COL27A1: variants seen among roughly 807,000 people sequenced by gnomAD.
COL27A1 encodes collagen type XXVII alpha 1 chain.
COL27A1 carries 106 observed loss-of-function variants against 251.3 expected under a neutral mutation model. The ratio of observed to expected loss-of-function variants is 0.42; its 90% CI spans 0.36 to 0.50. COL27A1 has a LOEUF of 0.50. COL27A1 is among the 20% of genes least tolerant of loss of function. The pLI is 0.00. For synonymous variants in COL27A1, 1,000 were observed against 986.3 expected (o/e 1.01, Z -0.26); for missense variants, 2,325 against 2,522.8 (o/e 0.92, Z 1.68).
At chr9:114,292,501 T>C (rs932900068) in intron 49 of COL27A1, among the ~76,000 whole-genome samples, 3 of 152,186 alleles carry the variant, frequency 2.0e-5, no homozygotes, top group Non-Finnish European at 2.9e-5. Context: ...AGTCCAGTGC[T>C]CATTCTGTGC....
intron 14 of COL27A1, among the ~76,000 whole-genome samples, chr9:114,224,550 G>A (rs4294255): frequency 0.63 from 96,135 of 151,812 alleles, 31,839 homozygotes; most frequent in South Asian, 0.8. Flanking sequence ...TCATCCCAGC[G>A]TTCACTAGGT....
intron 3 of COL27A1, among the ~76,000 whole-genome samples, chr9:114,170,247 A>G (rs73656006): frequency 3.3e-4 from 51 of 152,306 alleles, no homozygotes; most frequent in African/African-American, 1.2e-3. Context: ...CGTGGGCCAG[A>G]AGGAAGAGGA....
chr9:114,165,490 C>T (rs1378551375), intron 2 of COL27A1, among the ~76,000 whole-genome samples: 2 of 151,034 alleles, frequency 1.3e-5, no homozygotes, highest in Non-Finnish European at 2.9e-5. Flanking sequence ...ATTCATCTAC[C>T]TATCCATCCA....
In COL27A1 at chr9:114,290,186, C is replaced by A; in HGVS notation, c.4261-38C>A. 6.4e-7 allele frequency: 1 copy of A among 1,569,810 alleles called. No individual in the cohort carries two copies. Among genetic ancestry groups the A allele is most frequent in the Non-Finnish European group, 8.7e-7 (1 of 1,150,922 alleles). ...ACACCCGCCCTCCTCCCACTCCCTG[C>A]ACCAAATGCCCTCACCAGCTTTTTA... is the stretch of plus-strand genomic sequence containing the variant. On this transcript the variant is annotated intron_variant, in intron 46 of 60. Coordinates refer to ENST00000356083, the MANE Select transcript of COL27A1 (RefSeq NM_032888.4). This position sits in a 1 kb window ranked among gnomAD's most constrained non-coding sequence, Gnocchi z 4.6.
Position 114,243,574 on chromosome 9 carries a change from G to C in COL27A1, c.2934+14G>C, listed in dbSNP as rs549785266. 66 of 1,609,626 alleles carry C rather than the reference G, an allele frequency of 4.1e-5. No individual in the cohort carries two copies. The East Asian group carries it at 1.4e-3, about 35-fold the overall frequency. On this transcript the variant is annotated intron_variant, in intron 23 of 60. Transcript: ENST00000356083. ...GATGGCGTGAAGGTGAGGGGACCTG[G>C]AGATCCCTGGGGACAAGAGGAAAGA...
At chr9:114,156,146 C>A (rs1848107489) in intron 1 of COL27A1, 134 bp downstream of exon 1, 1 of 1,231,896 alleles carries the variant, frequency 8.1e-7, no homozygotes, top group Non-Finnish European at 1.0e-6. Flanking sequence ...CCCCGCGAGG[C>A]GGGACGCCAA....
Position 114,258,537 on chromosome 9 carries a change from C to T in COL27A1, c.3142-4C>T. ...CCTCTCCAAACTCTTTCTCCTCTTC[C>T]CAGGGTCCTCCAGGATCTCGAGGCC... On this transcript the variant is annotated splice_region_variant and splice_polypyrimidine_tract_variant and intron_variant, in intron 27 of 60. Coordinates refer to ENST00000356083, the MANE Select transcript of COL27A1 (RefSeq NM_032888.4). 6.2e-7 allele frequency: 1 copy of T among 1,613,712 alleles called. No homozygotes were observed. The highest frequency in any genetic ancestry group is 8.5e-7 in the Non-Finnish European group (1 of 1,179,892).
intron 27 of COL27A1, among the ~76,000 whole-genome samples, chr9:114,253,445 C>T (rs895023485): frequency 2.4e-5 from 1 of 41,028 alleles, no homozygotes; most frequent in Non-Finnish European, 4.5e-5. Flanking sequence ...GGAGGGAGGG[C>T]GGGAGGGGAG....
At chr9:114,177,487 G>A (rs1029249903) in intron 3 of COL27A1, among the ~76,000 whole-genome samples, 14 of 152,178 alleles carry the variant, frequency 9.2e-5, no homozygotes, top group African/African-American at 3.1e-4. Flanking sequence ...GGCTGCTGCC[G>A]GTTCTTGGGG....
chr9:114,299,314 T>C (rs1278990194), intron 49 of COL27A1, among the ~76,000 whole-genome samples: 4 of 152,240 alleles, frequency 2.6e-5, no homozygotes, highest in African/African-American at 4.8e-5. Flanking sequence ...ATACATGGCT[T>C]TCTGCTTATG....
At chr9:114,176,542 G>T (rs964524618) in intron 3 of COL27A1, among the ~76,000 whole-genome samples, 8 of 135,990 alleles carry the variant, frequency 5.9e-5, no homozygotes, top group African/African-American at 1.8e-4. Flanking sequence ...TAGGTGGGTG[G>T]GGGGGGGTGC....
At chr9:114,196,331 G>A (rs549706818) in intron 7 of COL27A1, among the ~76,000 whole-genome samples, 1 of 152,354 alleles carries the variant, frequency 6.6e-6, no homozygotes, top group South Asian at 2.1e-4. Context: ...TGGTGATGGA[G>A]TAACCTGTGC....
At chr9:114,303,798 AG>A (rs1227570032) in intron 56 of COL27A1, among the ~76,000 whole-genome samples, 1 of 152,200 alleles carries the variant, frequency 6.6e-6, no homozygotes, top group Admixed American at 6.5e-5. Flanking sequence ...GCCCAGTGGT[AG>A]GGTTGGGAGT....
At position 114,155,704 on chromosome 9, in the gene COL27A1, G is replaced by A. The variant is rs975660468; in HGVS notation, c.-247G>A. ...TTCTTCTTCCTTTTTGGTGGAAGCA[G>A]AAAAGGACCGAGGCAGGGGCGAGCG... On this transcript the variant is annotated 5_prime_UTR_variant, in exon 1 of 61. Coordinates refer to ENST00000356083, the MANE Select transcript of COL27A1 (RefSeq NM_032888.4). The surrounding 1 kb of genome is among the most constrained non-coding windows in gnomAD (Gnocchi z 5.5). The A allele has an allele frequency of 6.6e-6, 1 of 152,102 alleles. No homozygotes were observed. The highest frequency in any genetic ancestry group is 1.5e-5 in the Non-Finnish European group (1 of 68,226). 9.4% of individuals were successfully genotyped at this position (152,102 alleles called of 1,614,324 possible). A position where few individuals can be genotyped will look rare whatever the true frequency, so the allele number is the denominator to read the frequency against.
intron 54 of COL27A1, 103 bp downstream of exon 54, chr9:114,301,565 G>T (rs956660466): frequency 2.6e-6 from 4 of 1,536,518 alleles, no homozygotes; most frequent in Non-Finnish European, 3.5e-6. Flanking sequence ...CCGTCATCCC[G>T]TCTGTGCCAG....
At chr9:114,258,498 T>G (rs369987037) in intron 27 of COL27A1, 43 bp from the exon 28 acceptor site, 120 of 1,588,068 alleles carry the variant, frequency 7.6e-5, no homozygotes, top group Middle Eastern at 5.0e-4. Context: ...TTGCTCTCAC[T>G]TCCTAAAAAG....
chr9:114,214,869 C>A (rs1355543398), intron 12 of COL27A1, among the ~76,000 whole-genome samples: 1 of 152,252 alleles, frequency 6.6e-6, no homozygotes. Context: ...CCTGGCCTGT[C>A]CTGGCTTGTT....
In COL27A1 at chr9:114,290,872, AG is replaced by A; in HGVS notation, c.4433del (p.Gly1478ValfsTer89). 6.4e-7 allele frequency: 1 copy of A among 1,551,824 alleles called. No homozygotes were observed. On this transcript the variant is annotated frameshift_variant, in exon 48 of 61. Coordinates refer to ENST00000356083, the MANE Select transcript of COL27A1 (RefSeq NM_032888.4). LOFTEE classifies it high-confidence loss of function. This position sits in a 1 kb window ranked among gnomAD's most constrained non-coding sequence, Gnocchi z 4.6. ...GCCCTGCTGGGAAGAGAGGAAATCC[AG>A]GTGTGGCCGGCTTACCTGGAGCACA... is the stretch of plus-strand genomic sequence containing the variant. The part of the protein sequence containing the change: ...MGPAGKRGNP[G>X]VAGLPGAQGP...
rs370754211 is a variant in COL27A1 at position 114,299,390 on chromosome 9, G to C, written c.4585-680G>C. On this transcript the variant is annotated intron_variant, in intron 49 of 60. Transcript: ENST00000356083. ...GCTCTTCTGCCTCCAGGGGCCCCCAGCCCTCCCTTCTTGGCTCAGACCCCA... is the reference window on the plus strand; with the variant it reads ...GCTCTTCTGCCTCCAGGGGCCCCCACCCCTCCCTTCTTGGCTCAGACCCCA... Among the ~76,000 whole-genome samples the C allele has an allele frequency of 2.0e-5, 3 of 152,294 alleles. No individual in the cohort carries two copies. In the East Asian group the frequency reaches 5.8e-4, roughly 29 times the overall value.
Sources: allele counts gnomAD v4.1 joint callset (sites outside exome capture counted in the v4.1 genomes callset), GRCh38; gene constraint gnomAD v4.1.1; non-coding constraint Gnocchi (gnomAD v3.1); transcripts MANE v1.5; gene names NCBI Gene and HGNC (gene_info 2026-07-23, HGNC 2026-07-21).